The following LRP1B variants were observed in gnomAD, a reference collection of about 807,000 sequenced individuals.
LRP1B encodes LDL receptor related protein 1B, also known as low-density lipoprotein receptor-related protein 1B.
Under a neutral mutation model 556.6 loss-of-function variants are expected in LRP1B, and 217 were observed. The observed-to-expected ratio is 0.39, with a 90% confidence interval of 0.35 to 0.44. The LOEUF (loss-of-function observed/expected upper bound fraction) is 0.44, where lower values mean the gene tolerates loss of function less well. Among genes scored for constraint, LRP1B ranks in the 20% least tolerant of loss-of-function variants. The probability of loss-of-function intolerance (pLI) is 1.00; values close to 1 mark genes in which losing one functional copy is unlikely to be tolerated. For missense variants in LRP1B, 5,053 were observed against 5,620.8 expected (o/e 0.90, Z 3.23); for synonymous variants, 2,047 against 1,865.8 (o/e 1.10, Z -2.50).
intron 35 of LRP1B, among the ~76,000 whole-genome samples, chr2:140,730,562 T>C (rs964313410): frequency 5.9e-5 from 9 of 152,150 alleles, no homozygotes; most frequent in Non-Finnish European, 1.3e-4. Flanking sequence ...TTTTTTGTTT[T>C]GTTTTGTTTT....
At chr2:141,834,990 T>A (rs1553471100) in intron 1 of LRP1B, among the ~76,000 whole-genome samples, 1 of 151,918 alleles carries the variant, frequency 6.6e-6, no homozygotes, top group Non-Finnish European at 1.5e-5. Context: ...GTCAAGGATG[T>A]ATAAAGATCA....
intron 7 of LRP1B, among the ~76,000 whole-genome samples, chr2:141,118,421 T>A (rs13026895): frequency 0.43 from 65,407 of 151,716 alleles, 15,165 homozygotes; most frequent in Non-Finnish European, 0.53. Context: ...TTCAACTTTC[T>A]TTTTAACAAA....
chr2:141,603,443 G>A (rs1687818780), intron 2 of LRP1B, among the ~76,000 whole-genome samples: 1 of 152,062 alleles, frequency 6.6e-6, no homozygotes, highest in South Asian at 2.1e-4. Flanking sequence ...TGTTCTTGGG[G>A]CAGTTCATAT....
In LRP1B at chr2:141,067,675, C is replaced by T. The variant is rs568954756; in HGVS notation, c.1014-5402G>A. Among the ~76,000 whole-genome samples, 45 of 152,052 alleles carry T rather than the reference C, an allele frequency of 3.0e-4. 1 individual carries two copies. Among genetic ancestry groups the T allele is most frequent in the Admixed American group, 6.6e-4 (10 of 15,240 alleles). ...AGCCCTATGCGCAGTAGCATAATAC[C>T]ATTTATCTCCTCTCTCTTCACAGAT... On this transcript the variant is annotated intron_variant, in intron 7 of 90. Coordinates refer to ENST00000389484, the MANE Select transcript of LRP1B (RefSeq NM_018557.3).
intron 49 of LRP1B, among the ~76,000 whole-genome samples, chr2:140,519,606 C>G (rs1416515184): frequency 6.6e-6 from 1 of 152,094 alleles, no homozygotes; most frequent in Non-Finnish European, 1.5e-5. Context: ...CCAAAATAGA[C>G]AAATGGGATC....
At chr2:141,680,234 T>G (rs1409855311) in intron 2 of LRP1B, among the ~76,000 whole-genome samples, 1 of 152,080 alleles carries the variant, frequency 6.6e-6, no homozygotes, top group Non-Finnish European at 1.5e-5. Context: ...TTCAAGAAGT[T>G]TGATGGTGAA....
At chr2:140,939,293 G>A (rs1695323641) in intron 20 of LRP1B, among the ~76,000 whole-genome samples, 1 of 151,624 alleles carries the variant, frequency 6.6e-6, no homozygotes. Context: ...AATTAGTGAG[G>A]AAAATGAATG....
chr2:141,464,606 A>ATATATTTTTTTTTTTTTTTTT lies in LRP1B; in HGVS notation c.343+15789_343+15790insAAAAAAAAAAAAAAAAATATA. 6.4e-3 allele frequency among the ~76,000 whole-genome samples: 573 copies of ATATATTTTTTTTTTTTTTTTT among 89,988 alleles called. 7 individuals are homozygous for ATATATTTTTTTTTTTTTTTTT. The highest frequency in any genetic ancestry group is 0.027 in the Admixed American group (212 of 7,840). The allele number at this position is 89,988 out of a possible 152,430, so 59.0% of individuals were successfully genotyped here. A position where few individuals can be genotyped will look rare whatever the true frequency, so the allele number is the denominator to read the frequency against. On this transcript the variant is annotated intron_variant, in intron 3 of 90. Coordinates refer to ENST00000389484, the MANE Select transcript of LRP1B (RefSeq NM_018557.3). ...TTTGTATATATATATATATATATAT[A>ATATATTTTTTTTTTTTTTTTT]TTTTTTTAGTAGAGATGGGGTTTCA...
At chr2:140,238,468 G>A (rs1250706189) in intron 88 of LRP1B, among the ~76,000 whole-genome samples, 172 bp from the exon 89 acceptor site, 7 of 150,846 alleles carry the variant, frequency 4.6e-5, no homozygotes, top group Non-Finnish European at 1.0e-4. Flanking sequence ...TTTCCCAGTT[G>A]TTTTGACTTA....
At chr2:141,858,501 A>T (rs1208315541) in intron 1 of LRP1B, among the ~76,000 whole-genome samples, 1 of 152,204 alleles carries the variant, frequency 6.6e-6, no homozygotes, top group Admixed American at 6.5e-5. Flanking sequence ...AGATCCAGAT[A>T]TAGAGTTGGA....
At chr2:141,098,858 T>A in intron 7 of LRP1B, among the ~76,000 whole-genome samples, 1 of 152,202 alleles carries the variant, frequency 6.6e-6, no homozygotes. Context: ...AGTTTCTCCA[T>A]GTTGGTCAGG....
At chr2:140,612,706 A>C (rs1232830582) in intron 41 of LRP1B, among the ~76,000 whole-genome samples, 1 of 152,164 alleles carries the variant, frequency 6.6e-6, no homozygotes, top group Non-Finnish European at 1.5e-5. Flanking sequence ...CCATGCTCAG[A>C]CTATGATAGC....
At chr2:140,895,407 G>T (rs1020527563) in intron 23 of LRP1B, among the ~76,000 whole-genome samples, 11 of 152,282 alleles carry the variant, frequency 7.2e-5, no homozygotes, top group Non-Finnish European at 1.6e-4. Flanking sequence ...TGGGAAGGGG[G>T]TGGCTCGTTT....
intron 43 of LRP1B, among the ~76,000 whole-genome samples, chr2:140,573,559 G>A (rs1299735576): frequency 6.6e-6 from 1 of 151,982 alleles, no homozygotes; most frequent in East Asian, 1.9e-4. Context: ...ATGATAGAAT[G>A]CACTGAGTTT....
At chr2:141,854,405 A>T (rs1267016258) in intron 1 of LRP1B, among the ~76,000 whole-genome samples, 1 of 152,058 alleles carries the variant, frequency 6.6e-6, no homozygotes, top group Non-Finnish European at 1.5e-5. Context: ...AAATGTGACA[A>T]TTTATTCTTA....
At chr2:140,921,374 G>C (rs748194067) in intron 21 of LRP1B, among the ~76,000 whole-genome samples, 16 of 151,782 alleles carry the variant, frequency 1.1e-4, no homozygotes. Flanking sequence ...ACTGTTACCT[G>C]CTGTATTTTA....
intron 43 of LRP1B, among the ~76,000 whole-genome samples, chr2:140,593,922 G>A (rs1682328149): frequency 6.6e-6 from 1 of 152,018 alleles, no homozygotes; most frequent in Non-Finnish European, 1.5e-5. Context: ...AGTGTGAGTT[G>A]TAAATAGTGT....
intron 68 of LRP1B, among the ~76,000 whole-genome samples, chr2:140,376,752 G>A (rs2105179740): frequency 6.6e-6 from 1 of 152,246 alleles, no homozygotes. Context: ...TGTGGTTATT[G>A]TGACTTTTTC....
intron 11 of LRP1B, among the ~76,000 whole-genome samples, chr2:141,022,048 A>G (rs928092988): frequency 2.6e-5 from 4 of 151,730 alleles, no homozygotes; most frequent in Non-Finnish European, 4.4e-5. Flanking sequence ...TTTTTCTATA[A>G]TATTTTCTTG....
Sources: gnomAD v4.1 joint callset for allele counts (sites outside exome capture counted in the v4.1 genomes callset) on GRCh38, gnomAD v4.1.1 for gene constraint, MANE v1.5 for transcripts, NCBI Gene and HGNC (gene_info 2026-07-23, HGNC 2026-07-21) for gene names.